Variants in WDPCP observed in about 807,000 individuals in gnomAD.
WDPCP encodes the protein WD repeat containing planar cell polarity effector, also known as WD repeat-containing and planar cell polarity effector protein fritz homolog.
In WDPCP, 71 loss-of-function variants were observed where a neutral mutation model predicts 93.1. That is an observed-to-expected ratio of 0.76 (90% CI 0.63 to 0.93). The LOEUF is 0.93. WDPCP is among the 40% of genes least tolerant of loss of function. WDPCP has a pLI of 0.00. For missense variants in WDPCP, 844 were observed against 887.4 expected, an observed-to-expected ratio of 0.95 and a Z score of 0.62; for synonymous variants, 315 against 315.0, an observed-to-expected ratio of 1.00 and a Z score of 0.00.
chr2:63,405,052 AGAAT>A (rs898223564), intron 9 of WDPCP, among the ~76,000 whole-genome samples: 1 of 152,208 alleles, frequency 6.6e-6, no homozygotes, highest in African/African-American at 2.4e-5. Flanking sequence ...AAAGTTAAAA[AGAAT>A]GAATAAGAAC....
In WDPCP at chr2:63,492,828, T is replaced by C. The variant is rs367628079; in HGVS notation, c.160+28A>G. ...ATAATGGTGTAACATATTTGAAAAA[T>C]ATTGAAATTAATCCAGAGCTCATTT... On this transcript the variant is annotated intron_variant, in intron 2 of 17. Coordinates refer to ENST00000272321, the MANE Select transcript of WDPCP (RefSeq NM_015910.7). 645 of 1,599,854 alleles carry C rather than the reference T, an allele frequency of 4.0e-4. 1 individual carries two copies. Among genetic ancestry groups the C allele is most frequent in the Non-Finnish European group, 5.4e-4 (629 of 1,167,422 alleles).
chr2:63,331,483 A>G (rs1370065121), intron 12 of WDPCP, among the ~76,000 whole-genome samples: 2 of 152,170 alleles, frequency 1.3e-5, no homozygotes, highest in East Asian at 3.9e-4. Flanking sequence ...CAAGTCATCT[A>G]TTTCAGGAAA....
chr2:63,322,617 G>A (rs1272995135), intron 12 of WDPCP, among the ~76,000 whole-genome samples: 1 of 151,990 alleles, frequency 6.6e-6, no homozygotes, highest in Non-Finnish European at 1.5e-5. Context: ...GAACCCACCA[G>A]AAGAAGAAAG....
intron 13 of WDPCP, among the ~76,000 whole-genome samples, chr2:63,263,393 A>G (rs980985487): frequency 6.6e-6 from 1 of 152,210 alleles, no homozygotes; most frequent in African/African-American, 2.4e-5. Context: ...TAATGCTGTT[A>G]TCACAGGAGT....
At position 63,582,050 on chromosome 2, in the gene WDPCP, T is replaced by A. The variant is rs79392723; in HGVS notation, c.75+6147A>T. Among the ~76,000 whole-genome samples, 579 of 149,584 alleles carry A rather than the reference T, an allele frequency of 3.9e-3. 4 individuals carry two copies. Among genetic ancestry groups the A allele is most frequent in the African/African-American group, 0.013 (540 of 40,748 alleles). ...CAATCTGACATTTAATAAAAAAAAT[T>A]ACCAGACTTCCAAAGAAGCATAAAA... On this transcript the variant is annotated intron_variant, in intron 1 of 17. Transcript: ENST00000272321.
At chr2:63,264,509 G>C (rs1681937696) in intron 13 of WDPCP, among the ~76,000 whole-genome samples, 1 of 152,052 alleles carries the variant, frequency 6.6e-6, no homozygotes, top group African/African-American at 2.4e-5. Flanking sequence ...AGTGATAAAG[G>C]GTTCAGTTCA....
chr2:63,189,120 T>A (rs369078023), intron 14 of WDPCP, among the ~76,000 whole-genome samples: 3 of 152,282 alleles, frequency 2.0e-5, no homozygotes, highest in African/African-American at 7.2e-5. Flanking sequence ...CTTAATCTCT[T>A]GCTCCCCCTA....
chr2:63,387,492 T>C lies in WDPCP; in HGVS notation c.1436-5398A>G, dbSNP rs376734955. ...AAACTAGGTATTGAAGGAATATACA[T>C]CAAAATAATAGAGTAACCTATGATA... On this transcript the variant is annotated intron_variant, in intron 10 of 17. Transcript: ENST00000272321. Among the ~76,000 whole-genome samples, 81 of 151,742 alleles carry C rather than the reference T, an allele frequency of 5.3e-4. No homozygotes were observed. In the South Asian group the frequency reaches 6.5e-3, roughly 12 times the overall value.
intron 14 of WDPCP, among the ~76,000 whole-genome samples, chr2:63,211,423 CA>C (rs1676790720): frequency 6.6e-6 from 1 of 152,136 alleles, no homozygotes; most frequent in Non-Finnish European, 1.5e-5. Flanking sequence ...GGAAAACTAA[CA>C]AACAGAAAGG....
At chr2:63,363,611 T>C (rs1165885189) in intron 12 of WDPCP, among the ~76,000 whole-genome samples, 1 of 152,058 alleles carries the variant, frequency 6.6e-6, no homozygotes, top group Non-Finnish European at 1.5e-5. Flanking sequence ...ATATAGAGTA[T>C]TAAATTTAAT....
intron 9 of WDPCP, among the ~76,000 whole-genome samples, chr2:63,426,200 C>T (rs1414146521): frequency 1.3e-5 from 2 of 152,046 alleles, no homozygotes; most frequent in African/African-American, 2.4e-5. Context: ...ATTAGCTGGG[C>T]GTGGTGGCGC....
intron 14 of WDPCP, among the ~76,000 whole-genome samples, chr2:63,214,284 G>A (rs1431325285): frequency 6.6e-6 from 1 of 152,076 alleles, no homozygotes; most frequent in Non-Finnish European, 1.5e-5. Context: ...ATGATCAAGT[G>A]GGCTTCATCC....
intron 6 of WDPCP, among the ~76,000 whole-genome samples, chr2:63,462,005 T>C (rs1012580640): frequency 6.6e-6 from 1 of 152,254 alleles, no homozygotes; most frequent in Non-Finnish European, 1.5e-5. Context: ...ACTGGGTGTA[T>C]ATCCAAAGGA....
At chr2:63,751,988 AGTT>A (rs1466712751) in intron 2 of WDPCP, 5 of 631,162 alleles carry the variant, frequency 7.9e-6, no homozygotes, top group Non-Finnish European at 1.5e-5. Flanking sequence ...CCACAATCAA[AGTT>A]GTCATTTCCA....
rs1002979936 is a variant in WDPCP at position 63,674,188 on chromosome 2, C to T, written n.309-23350G>A. On this transcript the variant is annotated intron_variant and non_coding_transcript_variant, in intron 2 of 4. Transcript: ENST00000467687. ...AAAAAGAACAATGCGATTGATTTTA[C>T]GTATTTGCTTTTTCCTTTGGCTGCA... is the stretch of plus-strand genomic sequence containing the variant. Among the ~76,000 whole-genome samples the T allele has an allele frequency of 6.6e-5, 10 of 152,150 alleles. No homozygotes were observed. In the East Asian group the frequency reaches 1.7e-3, roughly 26 times the overall value.
intron 1 of WDPCP, among the ~76,000 whole-genome samples, chr2:63,825,523 G>A (rs1671099778): frequency 6.6e-6 from 1 of 151,040 alleles, no homozygotes; most frequent in Non-Finnish European, 1.5e-5. Flanking sequence ...TTCTCTGATG[G>A]CATCTCCAAT....
intron 14 of WDPCP, among the ~76,000 whole-genome samples, chr2:63,258,218 T>C (rs977907193): frequency 2.6e-5 from 4 of 152,222 alleles, no homozygotes; most frequent in Non-Finnish European, 5.9e-5. Flanking sequence ...CAGTTATTCT[T>C]ATCCAATACT....
chr2:63,625,697 C>T (rs1294710513), intron 3 of WDPCP, among the ~76,000 whole-genome samples: 1 of 152,092 alleles, frequency 6.6e-6, no homozygotes, highest in East Asian at 1.9e-4. Context: ...AGAACACAAA[C>T]AAATGGAAAA....
In WDPCP at chr2:63,636,448, GAC is replaced by G. The variant is rs748464643; in HGVS notation, n.488+14209_488+14210del. On this transcript the variant is annotated intron_variant and non_coding_transcript_variant, in intron 3 of 4. Transcript: ENST00000467687. The stretch of plus-strand genomic sequence containing the variant: ...GGCATCACACTTCCTTTATTTTTTT[GAC>G]ACAGATTCTCACTCTGTCGCCCAGA... Among the ~76,000 whole-genome samples, 333 of 151,996 alleles carry G rather than the reference GAC, an allele frequency of 2.2e-3. 3 individuals are homozygous for G. Among genetic ancestry groups the G allele is most frequent in the Non-Finnish European group, 3.4e-3 (230 of 67,938 alleles).
Sources: gnomAD v4.1 joint callset for allele counts (sites outside exome capture counted in the v4.1 genomes callset) on GRCh38, gnomAD v4.1.1 for gene constraint, MANE v1.5 for transcripts, NCBI Gene and HGNC (gene_info 2026-07-23, HGNC 2026-07-21) for gene names.